DIP2C: variants seen among roughly 807,000 people sequenced by gnomAD.
The protein encoded by DIP2C is DIP2 acetate--CoA ligase C (putative), also known as disco-interacting protein 2 homolog C.
DIP2C carries 33 observed loss-of-function variants against 192.4 expected under a neutral mutation model. That is an observed-to-expected ratio of 0.17 (90% CI 0.13 to 0.23). DIP2C has a LOEUF of 0.23. DIP2C is among the 10% of genes least tolerant of loss of function. The pLI, the probability that DIP2C is intolerant of heterozygous loss-of-function variation, is 1.00. For synonymous variants in DIP2C, 979 were observed against 864.1 expected (o/e 1.13, Z -2.33); for missense variants, 1,537 against 2,110.1 (o/e 0.73, Z 5.32).
chr10:513,659 A>G (rs972626923), intron 1 of DIP2C, among the ~76,000 whole-genome samples: 1 of 152,216 alleles, frequency 6.6e-6, no homozygotes, highest in Non-Finnish European at 1.5e-5. Flanking sequence ...AAGGAAATGA[A>G]AAGTAGATAA....
chr10:397,430 T>A (rs549682571), intron 10 of DIP2C, among the ~76,000 whole-genome samples: 1 of 151,314 alleles, frequency 6.6e-6, no homozygotes, highest in African/African-American at 2.4e-5. Context: ...CTCAGGAGGC[T>A]GAGGGAGGAG....
At chr10:384,493 C>T in intron 15 of DIP2C, 53 bp downstream of exon 15, 2 of 1,575,142 alleles carry the variant, frequency 1.3e-6, no homozygotes, top group South Asian at 1.1e-5. Flanking sequence ...CTGCTTTGGC[C>T]TCCTAAAGCG....
intron 31 of DIP2C, among the ~76,000 whole-genome samples, chr10:321,062 A>C (rs1956984615): frequency 1.3e-5 from 2 of 152,206 alleles, no homozygotes; most frequent in South Asian, 4.1e-4. Context: ...AACTGCACGA[A>C]GGGGAGGCAG....
intron 1 of DIP2C, among the ~76,000 whole-genome samples, chr10:530,255 G>A (rs1036567441): frequency 2.0e-5 from 3 of 152,154 alleles, no homozygotes; most frequent in Non-Finnish European, 4.4e-5. Context: ...GAGGACCAAG[G>A]GTTTTGTTCC....
intron 2 of DIP2C, among the ~76,000 whole-genome samples, chr10:481,121 CAAG>C (rs1162113065): frequency 6.6e-6 from 1 of 152,112 alleles, no homozygotes; most frequent in African/African-American, 2.4e-5. Context: ...CATGGCACAA[CAAG>C]AATACGGACC....
intron 1 of DIP2C, among the ~76,000 whole-genome samples, chr10:533,810 A>C (rs1847548562): frequency 6.6e-6 from 1 of 152,042 alleles, no homozygotes; most frequent in Non-Finnish European, 1.5e-5. Context: ...CGTGTCACAG[A>C]TGTGTCCTCA....
chr10:535,774 A>C (rs142586306), intron 1 of DIP2C, among the ~76,000 whole-genome samples: 1 of 152,216 alleles, frequency 6.6e-6, no homozygotes, highest in Non-Finnish European at 1.5e-5. Context: ...GGGAGCCTAT[A>C]GGTTTGGTTC....
intron 18 of DIP2C, 147 bp downstream of exon 18, chr10:369,347 C>A: frequency 9.4e-7 from 1 of 1,066,140 alleles, no homozygotes; most frequent in South Asian, 2.1e-5. Context: ...TGAAGCCTAA[C>A]AAAGACTTCA....
rs751178524 is a variant in DIP2C, at chr10:283,416, C to T, written c.4150G>A (p.Gly1384Ser). The T allele has an allele frequency of 3.7e-6, 6 of 1,614,034 alleles. No individual in the cohort carries two copies. The highest frequency in any genetic ancestry group is 1.3e-5 in the African/African-American group (1 of 74,918). ...TCGTCTCCGTAAATAGTGAAATAACCGCTGGCATTGTGGGCACTGTGAACC... is the reference window on the plus strand; with the variant it reads ...TCGTCTCCGTAAATAGTGAAATAACTGCTGGCATTGTGGGCACTGTGAACC... Reference protein sequence around the residue: ...IWVHSAHNASGYFTIYGDESL... With the variant: ...IWVHSAHNASSYFTIYGDESL... Residue 1384 changes from glycine to serine, a missense_variant, in exon 35 of 37, where the codon GGT (glycine) becomes AGT (serine). By Grantham distance (56) the Gly-to-Ser change is moderately conservative. Coordinates refer to ENST00000280886, the MANE Select transcript of DIP2C (RefSeq NM_014974.3).
chr10:565,442 G>A (rs1370509698), intron 1 of DIP2C, among the ~76,000 whole-genome samples: 4 of 150,592 alleles, frequency 2.7e-5, no homozygotes, highest in African/African-American at 9.9e-5. Context: ...CACATGCAGT[G>A]AAACTGTCAG....
chr10:514,115 G>A (rs1050275085), intron 1 of DIP2C, among the ~76,000 whole-genome samples: 57 of 152,140 alleles, frequency 3.7e-4, no homozygotes, highest in African/African-American at 1.3e-3. Context: ...TGGCCACCTC[G>A]GGGGGACAGA....
At chr10:418,116 A>G (rs372341800) in intron 6 of DIP2C, among the ~76,000 whole-genome samples, 1 of 3,536 alleles carries the variant, frequency 2.8e-4, no homozygotes, top group African/African-American at 9.6e-4. Flanking sequence ...CACCTGTCGG[A>G]GCTCGGATAG....
intron 17 of DIP2C, among the ~76,000 whole-genome samples, chr10:378,110 T>A (rs893822988): frequency 6.6e-6 from 1 of 152,174 alleles, no homozygotes; most frequent in African/African-American, 2.4e-5. Flanking sequence ...AAATGTCTGA[T>A]GAGTTTAGGC....
rs117502701 is a variant in DIP2C, at chr10:444,978, A to G, written c.269-3982T>C. On this transcript the variant is annotated intron_variant, in intron 3 of 36. Coordinates refer to ENST00000280886, the MANE Select transcript of DIP2C (RefSeq NM_014974.3). ...GCTGGGCCATATGGTAAATGTACAC[A>G]TTTTAAAGAAACTGCCACACTGTTT... 3.0e-3 allele frequency among the ~76,000 whole-genome samples: 450 copies of G among 152,334 alleles called. 22 individuals carry two copies. The East Asian group carries it at 0.069, about 23-fold the overall frequency.
chr10:334,887 A>G (rs1266008572), intron 29 of DIP2C, among the ~76,000 whole-genome samples: 1 of 152,118 alleles, frequency 6.6e-6, no homozygotes, highest in Non-Finnish European at 1.5e-5. Context: ...AATTTTGTTA[A>G]CCTATTTTAA....
At chr10:583,675 G>A (rs531505278) in intron 1 of DIP2C, among the ~76,000 whole-genome samples, 27 of 152,290 alleles carry the variant, frequency 1.8e-4, no homozygotes, top group African/African-American at 5.8e-4. Flanking sequence ...CTCAGCCAGC[G>A]CTCAACAGCC....
intron 4 of DIP2C, among the ~76,000 whole-genome samples, chr10:437,339 G>C (rs1348233168): frequency 6.9e-6 from 1 of 145,696 alleles, no homozygotes; most frequent in Non-Finnish European, 1.5e-5. Context: ...GGACATGGTA[G>C]GGTGGCCATG....
intron 10 of DIP2C, among the ~76,000 whole-genome samples, chr10:391,270 A>G (rs561302786): frequency 6.6e-6 from 1 of 151,780 alleles, no homozygotes; most frequent in East Asian, 1.9e-4. Context: ...TGCTAACACC[A>G]AGTGCCTGAT....
At chr10:521,448 G>A (rs1270446172) in intron 1 of DIP2C, among the ~76,000 whole-genome samples, 1 of 152,138 alleles carries the variant, frequency 6.6e-6, no homozygotes, top group Non-Finnish European at 1.5e-5. Flanking sequence ...CCTGCCCCCA[G>A]GCACATGCTT....
Sources: allele counts gnomAD v4.1 joint callset (sites outside exome capture counted in the v4.1 genomes callset), GRCh38; gene constraint gnomAD v4.1.1; transcripts MANE v1.5; gene names NCBI Gene and HGNC (gene_info 2026-07-23, HGNC 2026-07-21).